The following TAT variants were observed in gnomAD, a reference collection of about 807,000 sequenced individuals.
TAT encodes tyrosine aminotransferase.
TAT carries 35 observed loss-of-function variants against 53.6 expected under a neutral mutation model. The observed-to-expected ratio is 0.65, with a 90% confidence interval of 0.50 to 0.87. The LOEUF is 0.87. Among genes scored for constraint, TAT ranks in the 40% least tolerant of loss-of-function variants. The probability of loss-of-function intolerance (pLI) is 0.00; values close to 1 mark genes in which losing one functional copy is unlikely to be tolerated. For missense variants in TAT, 525 were observed against 571.8 expected (o/e 0.92, Z 0.83); for synonymous variants, 197 against 206.5 (o/e 0.95, Z 0.39).
intron 6 of TAT, chr16:71,571,919 C>T: frequency 1.6e-6 from 1 of 624,582 alleles, no homozygotes; most frequent in Non-Finnish European, 2.8e-6. Flanking sequence ...ATATTTCAGA[C>T]CCTATCTTCA....
At chr16:71,570,645 C>A in intron 8 of TAT, 34 bp downstream of exon 8, 1 of 1,613,960 alleles carries the variant, frequency 6.2e-7, no homozygotes, top group Non-Finnish European at 8.5e-7. Flanking sequence ...AATATATACC[C>A]TAAATTACAC....
intron 8 of TAT, 117 bp from the exon 9 acceptor site, chr16:71,570,514 T>C (rs1276485455): frequency 1.3e-6 from 2 of 1,586,890 alleles, no homozygotes; most frequent in Non-Finnish European, 1.7e-6. Context: ...TGGTGTCTAG[T>C]GGCATTCTTA....
intron 6 of TAT, 112 bp from the exon 7 acceptor site, chr16:71,571,770 T>A: frequency 9.1e-7 from 1 of 1,102,276 alleles, no homozygotes; most frequent in Non-Finnish European, 1.4e-6. Flanking sequence ...TTACAATTCT[T>A]AAAGAGAAAG....
At chr16:71,570,540 G>A in intron 8 of TAT, 139 bp downstream of exon 8, 1 of 1,568,568 alleles carries the variant, frequency 6.4e-7, no homozygotes, top group African/African-American at 1.4e-5. Context: ...GACCCTCTGG[G>A]TTCGTAGCCC....
Position 71,572,593 on chromosome 16 carries a change from A to G in TAT, c.504T>C (p.Gly168=), listed in dbSNP as rs1179761695. 1 of 1,614,196 alleles carries G rather than the reference A, an allele frequency of 6.2e-7. No homozygotes were observed. The highest frequency in any genetic ancestry group is 2.2e-5 in the East Asian group (1 of 44,884). Reference sequence around the variant, plus strand: ...CAGCCAGAGTCTTGTAGAGAGAGAAACCAGGTCTTGGAACCAGGATGTTTT... The same window carrying G: ...CAGCCAGAGTCTTGTAGAGAGAGAAGCCAGGTCTTGGAACCAGGATGTTTT... ...PGQNILVPRP[G]FSLYKTLAES... Residue 168 remains glycine (G), a synonymous_variant, in exon 5 of 12, where the codon GGT becomes GGC. Coordinates refer to ENST00000355962, the MANE Select transcript of TAT (RefSeq NM_000353.3).
Position 71,572,241 on chromosome 16 carries a change from T to C in TAT, c.651A>G (p.Pro217=). ...TGAACACTGACCCACAGGGGTTTGATGGATTATTGACAATGAGACAAGCTG... is the reference window on the plus strand; with the variant it reads ...TGAACACTGACCCACAGGGGTTTGACGGATTATTGACAATGAGACAAGCTG... ...EKTACLIVNN[P]SNPCGSVFSK... The change falls in exon 6 of 12, where the codon CCA becomes CCG. Residue 217 remains proline, a synonymous_variant. Transcript: ENST00000355962. 1 of 1,614,238 alleles carries C rather than the reference T, an allele frequency of 6.2e-7. No homozygotes were observed. Among genetic ancestry groups the C allele is most frequent in the African/African-American group, 1.3e-5 (1 of 75,068 alleles).
chr16:71,572,046 G>T, intron 6 of TAT, 140 bp downstream of exon 6: 1 of 1,052,918 alleles, frequency 9.5e-7, no homozygotes, highest in Non-Finnish European at 1.5e-6. Context: ...CTATGGCACA[G>T]TATTGATGAG....
intron 4 of TAT, among the ~76,000 whole-genome samples, chr16:71,573,173 C>T (rs2044214533): frequency 1.3e-5 from 2 of 152,142 alleles, no homozygotes; most frequent in African/African-American, 4.8e-5. Context: ...AGAAAAGCTA[C>T]AATTTTTTTT....
intron 4 of TAT, 104 bp from the exon 5 acceptor site, chr16:71,572,792 A>G: frequency 7.6e-7 from 1 of 1,319,492 alleles, no homozygotes; most frequent in Non-Finnish European, 1.1e-6. Flanking sequence ...ACTTCCTTTA[A>G]CAAGTTGTAA....
chr16:71,576,495 G>A, intron 1 of TAT, 68 bp from the exon 2 acceptor site: 1 of 1,348,370 alleles, frequency 7.4e-7, no homozygotes, highest in South Asian at 1.2e-5. Context: ...AGCTACATTT[G>A]GACCTAAACA....
intron 6 of TAT, 109 bp downstream of exon 6, chr16:71,572,077 A>G (rs2044206790): frequency 7.0e-7 from 1 of 1,434,088 alleles, no homozygotes; most frequent in Non-Finnish European, 9.8e-7. Flanking sequence ...GGAGCTCCCC[A>G]CCTCCACCCC....
Position 71,570,696 on chromosome 16 carries a change from C to G in TAT, c.895G>C (p.Asp299His), listed in dbSNP as rs766282009. ...ATTATCACCTCATTGCCAAAAATGTCTCTTCGGTCATGAATGAGGATCCAG... is the reference window on the plus strand; with the variant it reads ...ATTATCACCTCATTGCCAAAAATGTGTCTTCGGTCATGAATGAGGATCCAG... ...LGWILIHDRRDIFGNEIRDGL... is the reference protein window; with the variant it reads ...LGWILIHDRRHIFGNEIRDGL... Residue 299 changes from aspartate (D) to histidine (H), a missense_variant, in exon 8 of 12, where the codon GAC becomes CAC. Transcript: ENST00000355962. 6.2e-7 allele frequency: 1 copy of G among 1,614,220 alleles called. No individual in the cohort carries two copies. The highest frequency in any genetic ancestry group is 8.5e-7 in the Non-Finnish European group (1 of 1,180,040).
At position 71,567,738 on chromosome 16, in the gene TAT, GTTCT is replaced by G; in HGVS notation, c.*402_*405del. 2 of 294,198 alleles carry G rather than the reference GTTCT, an allele frequency of 6.8e-6. No individual in the cohort carries two copies. The highest frequency in any genetic ancestry group is 6.9e-5 in the South Asian group (2 of 28,974). 18.2% of individuals were successfully genotyped at this position (294,198 alleles called of 1,614,324 possible). A position where few individuals can be genotyped will look rare whatever the true frequency, so the allele number is the denominator to read the frequency against. ...CTTCAGACCTGCCTGGAGAGAGCGT[GTTCT>G]TTCTTAGAGTCTGAGGAAATGGTTG... On this transcript the variant is annotated 3_prime_UTR_variant, in exon 12 of 12. Coordinates refer to ENST00000355962, the MANE Select transcript of TAT (RefSeq NM_000353.3).
Position 71,572,682 on chromosome 16 carries a change from T to A in TAT, c.415A>T (p.Ile139Phe). 6.2e-7 allele frequency: 1 copy of A among 1,614,202 alleles called. No homozygotes were observed. Among genetic ancestry groups the A allele is most frequent in the Non-Finnish European group, 8.5e-7 (1 of 1,180,034 alleles). ...PEAPLEAKDVILTSGCSQAID... is the reference protein window; with the variant it reads ...PEAPLEAKDVFLTSGCSQAID... ...GCTTGGCTGCAGCCACTTGTCAGAA[T>A]GACGTCCTGTGAAGGAAATAAAAGG... Residue 139 changes from isoleucine to phenylalanine, a missense_variant, in exon 5 of 12, where the codon ATT (isoleucine) becomes TTT (phenylalanine). Ile to Phe is a conservative substitution (Grantham distance 21, BLOSUM62 0). Coordinates refer to ENST00000355962, the MANE Select transcript of TAT (RefSeq NM_000353.3).
chr16:71,575,064 T>C (rs1434815803), intron 3 of TAT: 1 of 152,218 alleles, frequency 6.6e-6, no homozygotes, highest in Non-Finnish European at 1.5e-5. Flanking sequence ...ATTAGAAACT[T>C]TTTTTATAAC....
Position 71,568,123 on chromosome 16 carries a change from C to G in TAT, c.*21G>C, listed in dbSNP as rs2044176745. The G allele has an allele frequency of 6.2e-7, 1 of 1,614,044 alleles. No individual in the cohort carries two copies. Among genetic ancestry groups the G allele is most frequent in the African/African-American group, 1.3e-5 (1 of 74,938 alleles). ...CAGCCTTCCCTAGATGGGACACATCCTCAGGAGAATGGATGCAGGCCTATT... is the reference window on the plus strand; with the variant it reads ...CAGCCTTCCCTAGATGGGACACATCGTCAGGAGAATGGATGCAGGCCTATT... On this transcript the variant is annotated 3_prime_UTR_variant, in exon 12 of 12. Transcript: ENST00000355962.
chr16:71,570,213 G>A lies in TAT; in HGVS notation c.1041+56C>T, dbSNP rs2044191793. 19 of 1,613,150 alleles carry A rather than the reference G, an allele frequency of 1.2e-5. No homozygotes were observed. The South Asian group carries it at 1.3e-4, about 11-fold the overall frequency. ...GAGAACCAATTATTCCTAATTCCACGGGCGGCATTCTCTGACTCCCAAACT... is the reference window on the plus strand; with the variant it reads ...GAGAACCAATTATTCCTAATTCCACAGGCGGCATTCTCTGACTCCCAAACT... On this transcript the variant is annotated intron_variant, in intron 9 of 11. Coordinates refer to ENST00000355962, the MANE Select transcript of TAT (RefSeq NM_000353.3).
rs138304751 is a variant in TAT, at chr16:71,569,933, T to C, written c.1046A>G (p.Asn349Ser). 3.5e-4 allele frequency: 570 copies of C among 1,613,356 alleles called. 2 individuals carry two copies. Among genetic ancestry groups the C allele is most frequent in the South Asian group, 8.3e-4 (75 of 90,836 alleles). The change falls in exon 10 of 12, where the codon AAT becomes AGT. Residue 349 changes from asparagine to serine, a missense_variant. Asn to Ser is a conservative substitution (Grantham distance 46). Transcript: ENST00000355962. ...YHNTLSFLKS[N>S]ADLCYGALAA... ...CAACGCCCCATAACAGAGATCAGCA[T>C]TGGACTACAAGAAGAGGCAAGGAGA...
Position 71,571,894 on chromosome 16 carries a change from C to T in TAT, c.707-236G>A. The T allele has an allele frequency of 7.9e-6, 5 of 629,650 alleles. 1 individual carries two copies. The South Asian group carries it at 9.7e-5, about 12-fold the overall frequency. 39.0% of individuals were successfully genotyped at this position (629,650 alleles called of 1,614,324 possible). ...TCCAGAGTGCAGAGCCTGAATTCACCATTTAAGTAACTAGATATTTCAGAC... is the reference window on the plus strand; with the variant it reads ...TCCAGAGTGCAGAGCCTGAATTCACTATTTAAGTAACTAGATATTTCAGAC... On this transcript the variant is annotated intron_variant, in intron 6 of 11. Transcript: ENST00000355962.
Sources: gnomAD v4.1 joint callset for allele counts (sites outside exome capture counted in the v4.1 genomes callset) on GRCh38, gnomAD v4.1.1 for gene constraint, MANE v1.5 for transcripts, NCBI Gene and HGNC (gene_info 2026-07-23, HGNC 2026-07-21) for gene names.